CEP250: variants seen among roughly 807,000 people sequenced by gnomAD.
CEP250 encodes the protein centrosome-associated protein CEP250.
In CEP250, 242 loss-of-function variants were observed where a neutral mutation model predicts 315.7. The observed-to-expected ratio is 0.77, with a 90% CI of 0.69 to 0.85. The LOEUF is 0.85. Ranked by LOEUF, CEP250 falls within the 40% of genes least tolerant of loss-of-function variation. CEP250 has a pLI of 0.00. For missense variants in CEP250, 2,515 were observed against 2,886.4 expected (o/e 0.87, Z 2.95); for synonymous variants, 1,088 against 1,175.0 (o/e 0.93, Z 1.51).
chr20:35,494,345 A>G, intron 23 of CEP250, 179 bp from the exon 24 acceptor site: 1 of 732,528 alleles, frequency 1.4e-6, no homozygotes, highest in Non-Finnish European at 2.2e-6. Context: ...ACCAGGCCGA[A>G]TTGTATTGAG....
intron 11 of CEP250, 121 bp from the exon 12 acceptor site, chr20:35,472,552 C>A (rs2063051117): frequency 3.0e-6 from 3 of 997,316 alleles, no homozygotes; most frequent in Non-Finnish European, 4.5e-6. Context: ...TCCCCTCCTT[C>A]CCCCAGGGGA....
rs775523062 is a variant in CEP250 at position 35,469,930 on chromosome 20, C to T, written c.892C>T (p.Gln298Ter). ...LSALLTQSQK[Q>*]NEDYEKMIKA... ...TGCTCTGTTGACCCAGTCTCAGAAGCAAAATGAAGATTATGAAAAGATGAT... is the reference window on the plus strand; with the variant it reads ...TGCTCTGTTGACCCAGTCTCAGAAGTAAAATGAAGATTATGAAAAGATGAT... Residue 298 changes from glutamine to a stop codon, truncating the protein, a stop_gained, in exon 10 of 35, where the codon CAA becomes TAA. Transcript: ENST00000397527. LOFTEE classifies it high-confidence loss of function. 1 of 1,613,802 alleles carries T rather than the reference C, an allele frequency of 6.2e-7. No individual in the cohort carries two copies. Among genetic ancestry groups the T allele is most frequent in the Non-Finnish European group, 8.5e-7 (1 of 1,179,848 alleles).
chr20:35,505,870 C>T (rs1023337452), intron 30 of CEP250, among the ~76,000 whole-genome samples: 2 of 152,038 alleles, frequency 1.3e-5, no homozygotes, highest in African/African-American at 4.8e-5. Context: ...TGCTGAGGAC[C>T]TGGGTGGTGG....
At chr20:35,496,767 T>G in intron 25 of CEP250, 52 bp downstream of exon 25, 1 of 1,578,900 alleles carries the variant, frequency 6.3e-7, no homozygotes, top group Non-Finnish European at 8.6e-7. Context: ...AGCCTGATTC[T>G]GAAGCGGTGG....
chr20:35,509,168 T>C, intron 33 of CEP250, 124 bp downstream of exon 33: 1 of 745,192 alleles, frequency 1.3e-6, no homozygotes, highest in Non-Finnish European at 2.2e-6. Context: ...CCCTCCTGAC[T>C]GCATTCTGCC....
At chr20:35,498,757 C>T (rs1207699108) in intron 27 of CEP250, 41 bp downstream of exon 27, 1 of 1,519,294 alleles carries the variant, frequency 6.6e-7, no homozygotes. Context: ...CTTTACATCC[C>T]TGGAAAAGCA....
chr20:35,458,966 CTTTTTTTTTTTT>C (rs778598883), intron 2 of CEP250, among the ~76,000 whole-genome samples: 8 of 59,228 alleles, frequency 1.4e-4, no homozygotes, highest in African/African-American at 6.0e-4. Flanking sequence ...TAATGCAAAT[CTTTTTTTTTTTT>C]TTTTTTTTTT....
chr20:35,464,659 A>G (rs2062830971), intron 5 of CEP250, among the ~76,000 whole-genome samples: 2 of 152,246 alleles, frequency 1.3e-5, no homozygotes, highest in African/African-American at 4.8e-5. Flanking sequence ...GCAGTGGCTC[A>G]TGCCTGTAAT....
rs1400300059 is a variant in CEP250 at position 35,512,445 on chromosome 20, GTC to G, written c.*823_*824del. The G allele has an allele frequency of 6.6e-6, 1 of 152,226 alleles. No homozygotes were observed. Among genetic ancestry groups the G allele is most frequent in the Non-Finnish European group, 1.5e-5 (1 of 68,052 alleles). 9.4% of individuals were successfully genotyped at this position (152,226 alleles called of 1,614,324 possible). ...GCGTTGACCTTTAGCTAAAGTCAGA[GTC>G]TCTGAGTTCAGAAGCTCCACATGGC... On this transcript the variant is annotated 3_prime_UTR_variant, in exon 35 of 35. Transcript: ENST00000397527.
At chr20:35,489,507 CCATT>C (rs1269683238) in intron 20 of CEP250, among the ~76,000 whole-genome samples, 1 of 152,164 alleles carries the variant, frequency 6.6e-6, no homozygotes, top group East Asian at 1.9e-4. Flanking sequence ...GTTGTTATCC[CCATT>C]TTAATAGATG....
Position 35,511,793 on chromosome 20 carries a change from A to T in CEP250, c.*167A>T. 1 of 1,412,998 alleles carries T rather than the reference A, an allele frequency of 7.1e-7. No individual in the cohort carries two copies. Among genetic ancestry groups the T allele is most frequent in the Non-Finnish European group, 9.2e-7 (1 of 1,087,588 alleles). The allele number at this position is 1,412,998 out of a possible 1,614,324, so 87.5% of individuals were successfully genotyped here. A position where few individuals can be genotyped will look rare whatever the true frequency, so the allele number is the denominator to read the frequency against. ...AAGTAAATCTGCAACCCTGGGGAGG[A>T]CCCCAACTCACCTGGGAATGAGGCA... On this transcript the variant is annotated 3_prime_UTR_variant, in exon 35 of 35. Coordinates refer to ENST00000397527, the MANE Select transcript of CEP250 (RefSeq NM_007186.6).
chr20:35,457,545 A>G (rs1430602933), intron 1 of CEP250, among the ~76,000 whole-genome samples: 3 of 151,374 alleles, frequency 2.0e-5, no homozygotes, highest in African/African-American at 7.3e-5. Context: ...TTTTTTTAAT[A>G]GAGATGGGAA....
chr20:35,502,237 T>C (rs1216288802), intron 29 of CEP250, among the ~76,000 whole-genome samples, 153 bp from the exon 30 acceptor site: 1 of 151,776 alleles, frequency 6.6e-6, no homozygotes, highest in African/African-American at 2.4e-5. Flanking sequence ...GATGCCCTTT[T>C]ACAGTATCAG....
intron 20 of CEP250, among the ~76,000 whole-genome samples, chr20:35,487,890 A>G (rs1475281533): frequency 6.6e-6 from 1 of 152,242 alleles, no homozygotes; most frequent in African/African-American, 2.4e-5. Flanking sequence ...TGTCCCTTCC[A>G]AATGGTTGCT....
At chr20:35,473,212 A>G (rs544448428) in intron 12 of CEP250, among the ~76,000 whole-genome samples, 162 bp from the exon 13 acceptor site, 37 of 152,254 alleles carry the variant, frequency 2.4e-4, no homozygotes, top group African/African-American at 6.3e-4. Context: ...CAGAAGCCCA[A>G]TGACCTCTGA....
intron 34 of CEP250, among the ~76,000 whole-genome samples, chr20:35,510,762 A>G (rs1454906142): frequency 2.0e-5 from 3 of 152,216 alleles, no homozygotes; most frequent in Non-Finnish European, 4.4e-5. Flanking sequence ...TCGGAGGCCA[A>G]GGTGGGCGGA....
intron 10 of CEP250, 43 bp downstream of exon 10, chr20:35,470,029 G>C: frequency 7.5e-7 from 1 of 1,331,174 alleles, no homozygotes; most frequent in Non-Finnish European, 1.1e-6. Flanking sequence ...GCGTGGGCTT[G>C]TAGGTTCCTT....
intron 8 of CEP250, 84 bp from the exon 9 acceptor site, chr20:35,467,220 G>T: frequency 6.6e-7 from 1 of 1,516,444 alleles, no homozygotes; most frequent in Non-Finnish European, 9.0e-7. Context: ...TCCCAGCCCT[G>T]CTCCTCAGGC....
chr20:35,509,819 G>A (rs549035247), intron 33 of CEP250, among the ~76,000 whole-genome samples, 179 bp from the exon 34 acceptor site: 1 of 152,244 alleles, frequency 6.6e-6, no homozygotes. Context: ...ATGCTGGTGT[G>A]GGGCCTCTCC....
Sources: gnomAD v4.1 joint callset for allele counts (sites outside exome capture counted in the v4.1 genomes callset) on GRCh38, gnomAD v4.1.1 for gene constraint, MANE v1.5 for transcripts, NCBI Gene and HGNC (gene_info 2026-07-23, HGNC 2026-07-21) for gene names.